ST3GAL3: variants seen among roughly 807,000 people sequenced by gnomAD.
ST3GAL3 encodes CMP-N-acetylneuraminate-beta-1,4-galactoside alpha-2,3-sialyltransferase.
ST3GAL3 carries 21 observed loss-of-function variants against 50.1 expected under a neutral mutation model. That is an observed-to-expected ratio of 0.42 (90% CI 0.30 to 0.60). The LOEUF (loss-of-function observed/expected upper bound fraction) is 0.60. Ranked by LOEUF, ST3GAL3 falls within the 20% of genes least tolerant of loss-of-function variation. The pLI is 0.19. For synonymous variants in ST3GAL3, 183 were observed against 190.0 expected, an observed-to-expected ratio of 0.96 and a Z score of 0.30; for missense variants, 353 against 489.4, an observed-to-expected ratio of 0.72 and a Z score of 2.63.
intron 2 of ST3GAL3, among the ~76,000 whole-genome samples, chr1:43,763,983 A>G (rs1001419127): frequency 6.6e-6 from 1 of 152,208 alleles, no homozygotes; most frequent in Admixed American, 6.5e-5. Context: ...AGTCCTGGCT[A>G]TGTGACTTTG....
Position 43,899,118 on chromosome 1 carries a change from G to A in ST3GAL3, c.462-50G>A. On this transcript the variant is annotated intron_variant, in intron 7 of 11. Transcript: ENST00000347631. The surrounding 1 kb of genome is among the most constrained non-coding windows in gnomAD (Gnocchi z 5.4). ...CAAGGGCCAAAGGAGCAGGGAAAGA[G>A]ACCTGGTGGGCAGCTCTCTGTACAG... 1 of 1,613,038 alleles carries A rather than the reference G, an allele frequency of 6.2e-7. No homozygotes were observed. The highest frequency in any genetic ancestry group is 8.5e-7 in the Non-Finnish European group (1 of 1,179,776).
intron 5 of ST3GAL3, chr1:43,858,442 G>C: frequency 2.9e-5 from 21 of 731,610 alleles, no homozygotes; most frequent in Non-Finnish European, 3.7e-5. Context: ...GAGCAGGCAG[G>C]CTGGCTGCAT....
At chr1:43,790,858 G>C (rs528483300) in intron 2 of ST3GAL3, among the ~76,000 whole-genome samples, 1 of 151,540 alleles carries the variant, frequency 6.6e-6, no homozygotes, top group Non-Finnish European at 1.5e-5. Flanking sequence ...GGATGGTCTC[G>C]ATCTCTTGAC....
intron 6 of ST3GAL3, 152 bp downstream of exon 6, chr1:43,894,629 TTTTG>T (rs906215999): frequency 6.7e-5 from 51 of 757,838 alleles, no homozygotes; most frequent in African/African-American, 3.8e-4. Context: ...CCCTTCCTTT[TTTTG>T]TTTGTTTGTT....
chr1:43,844,109 A>T (rs1429961887), intron 5 of ST3GAL3, among the ~76,000 whole-genome samples: 2 of 152,212 alleles, frequency 1.3e-5, no homozygotes, highest in African/African-American at 4.8e-5. Flanking sequence ...GTTGGAAGAG[A>T]TGCATAGGGC....
chr1:43,760,748 T>G (rs1197729674), intron 2 of ST3GAL3, among the ~76,000 whole-genome samples: 2 of 150,754 alleles, frequency 1.3e-5, no homozygotes, highest in Non-Finnish European at 2.9e-5. Context: ...ACAGCAAGGC[T>G]CCGTCTCAAA....
chr1:43,917,603 T>TTATATATTATATTATATATAATA (rs2082193604), intron 9 of ST3GAL3, among the ~76,000 whole-genome samples: 1 of 15,922 alleles, frequency 6.3e-5, no homozygotes, highest in South Asian at 1.9e-3. Context: ...AATATATATA[T>TTATATATTATATTATATATAATA]TATATATTAT....
At position 43,799,537 on chromosome 1, in the gene ST3GAL3, A is replaced by G. The variant is rs373015880; in HGVS notation, c.166+7388A>G. On this transcript the variant is annotated intron_variant, in intron 3 of 11. Coordinates refer to ENST00000347631, the MANE Select transcript of ST3GAL3 (RefSeq NM_006279.5). ...TCTGTGTGTGTCCTAACAAGACAGA[A>G]GAGGCAAATAGGCTCCCTCAGCCCT... 5.3e-5 allele frequency: 8 copies of G among 152,334 alleles called. No individual in the cohort carries two copies. The South Asian group carries it at 1.7e-3, about 32-fold the overall frequency. The allele number at this position is 152,334 out of a possible 1,614,324, so 9.4% of individuals were successfully genotyped here.
chr1:43,918,293 T>G (rs1332413573), intron 9 of ST3GAL3, among the ~76,000 whole-genome samples: 2 of 151,834 alleles, frequency 1.3e-5, no homozygotes, highest in African/African-American at 4.8e-5. Flanking sequence ...CATTTTTGTA[T>G]TTTCTATAGA....
intron 5 of ST3GAL3, among the ~76,000 whole-genome samples, chr1:43,868,813 G>A (rs1299510854): frequency 6.6e-6 from 1 of 151,930 alleles, no homozygotes; most frequent in Admixed American, 6.6e-5. Context: ...CTTAAATCCT[G>A]GCAAAACACC....
chr1:43,886,568 T>G (rs536338910), intron 5 of ST3GAL3, among the ~76,000 whole-genome samples: 55 of 152,110 alleles, frequency 3.6e-4, no homozygotes, highest in African/African-American at 1.3e-3. Context: ...AGAAGGAAAG[T>G]GGTTGGGAAA....
Position 43,899,466 on chromosome 1 carries a change from A to T in ST3GAL3, c.558-75A>T. The stretch of plus-strand genomic sequence containing the variant: ...AGGTGACCTGGACTCCCTATTCTCC[A>T]TGCCTGGGATAGTCTGGGGTCATGG... On this transcript the variant is annotated intron_variant, in intron 8 of 11. Coordinates refer to ENST00000347631, the MANE Select transcript of ST3GAL3 (RefSeq NM_006279.5). This position sits in a 1 kb window ranked among gnomAD's most constrained non-coding sequence, Gnocchi z 5.4. 1 of 1,598,628 alleles carries T rather than the reference A, an allele frequency of 6.3e-7. No homozygotes were observed. Among genetic ancestry groups the T allele is most frequent in the South Asian group, 1.1e-5 (1 of 90,578 alleles).
At chr1:43,845,335 G>A (rs1426491155) in intron 5 of ST3GAL3, among the ~76,000 whole-genome samples, 1 of 151,862 alleles carries the variant, frequency 6.6e-6, no homozygotes, top group Non-Finnish European at 1.5e-5. Context: ...TTTAATTCTA[G>A]AGTTATTCAA....
chr1:43,838,257 A>G lies in ST3GAL3; in HGVS notation c.248A>G (p.Glu83Gly), dbSNP rs774444063. ...ELATKYANFS[E>G]GACKPGYASA... Reference sequence around the variant, plus strand: ...GCCACCAAGTACGCAAACTTTTCAGAGGGAGCTTGCAAGCCTGGCTATGCT... The same window carrying G: ...GCCACCAAGTACGCAAACTTTTCAGGGGGAGCTTGCAAGCCTGGCTATGCT... Residue 83 changes from glutamate (E) to glycine (G), a missense_variant, in exon 5 of 12, where the codon GAG (glutamate) becomes GGG (glycine). Glu to Gly is a moderately conservative substitution (Grantham distance 98). Coordinates refer to ENST00000347631, the MANE Select transcript of ST3GAL3 (RefSeq NM_006279.5). The G allele has an allele frequency of 3.1e-6, 5 of 1,613,836 alleles. No individual in the cohort carries two copies. The African/African-American group carries it at 5.3e-5, about 17-fold the overall frequency.
At chr1:43,928,305 T>A (rs561450890) in intron 11 of ST3GAL3, among the ~76,000 whole-genome samples, 1 of 152,284 alleles carries the variant, frequency 6.6e-6, no homozygotes, top group East Asian at 1.9e-4. Context: ...AAATAGTGGC[T>A]GTTAACAGTT....
At chr1:43,863,619 G>T (rs2070570255) in intron 5 of ST3GAL3, among the ~76,000 whole-genome samples, 1 of 152,204 alleles carries the variant, frequency 6.6e-6, no homozygotes, top group Non-Finnish European at 1.5e-5. Context: ...AATAAAGAAT[G>T]GGTTGGGGAA....
chr1:43,791,995 C>G, intron 2 of ST3GAL3, 107 bp from the exon 3 acceptor site: 1 of 1,350,042 alleles, frequency 7.4e-7, no homozygotes, highest in South Asian at 1.2e-5. Flanking sequence ...GACTGAGTTC[C>G]CTTCCAGTTG....
chr1:43,735,557 A>G (rs1258734456), intron 1 of ST3GAL3, among the ~76,000 whole-genome samples: 3 of 152,168 alleles, frequency 2.0e-5, no homozygotes, highest in African/African-American at 7.2e-5. Flanking sequence ...AACTGAATTC[A>G]GCCAACGGCC....
intron 4 of ST3GAL3, among the ~76,000 whole-genome samples, chr1:43,823,400 C>T (rs2062362181): frequency 6.6e-6 from 1 of 152,128 alleles, no homozygotes; most frequent in South Asian, 2.1e-4. Context: ...AGACCTGTTC[C>T]CGCCTCAGAC....
Sources: gnomAD v4.1 joint callset for allele counts (sites outside exome capture counted in the v4.1 genomes callset) on GRCh38, gnomAD v4.1.1 for gene constraint, Gnocchi (gnomAD v3.1) non-coding constraint, MANE v1.5 for transcripts, NCBI Gene and HGNC (gene_info 2026-07-23, HGNC 2026-07-21) for gene names.